The following DCAF6 variants were observed in gnomAD, a reference collection of about 807,000 sequenced individuals.
DCAF6 encodes the protein DDB1 and CUL4 associated factor 6.
Under a neutral mutation model 125.1 loss-of-function variants are expected in DCAF6, and 54 were observed. The ratio of observed to expected loss-of-function variants is 0.43; its 90% CI spans 0.35 to 0.54. The LOEUF (loss-of-function observed/expected upper bound fraction) is 0.54. Among genes scored for constraint, DCAF6 ranks in the 20% least tolerant of loss-of-function variants. The probability of loss-of-function intolerance (pLI) is 0.01; values close to 1 mark genes in which losing one functional copy is unlikely to be tolerated. For synonymous variants in DCAF6, 371 were observed against 390.4 expected, an observed-to-expected ratio of 0.95 and a Z score of 0.58; for missense variants, 934 against 1,161.7, an observed-to-expected ratio of 0.80 and a Z score of 2.85.
intron 10 of DCAF6, among the ~76,000 whole-genome samples, chr1:168,008,676 C>T (rs1323100401): frequency 1.3e-5 from 2 of 152,048 alleles, no homozygotes; most frequent in East Asian, 1.9e-4. Context: ...AAATCAAACT[C>T]CTCACTGTGG....
the DCAF6 span, among the ~76,000 whole-genome samples, chr1:167,874,633 G>A: frequency 6.6e-6 from 1 of 152,140 alleles, no homozygotes; most frequent in Non-Finnish European, 1.5e-5. Context: ...CAACAGAAAT[G>A]CATACATGCA....
At chr1:167,921,000 T>TA in the DCAF6 span, among the ~76,000 whole-genome samples, 1 of 152,132 alleles carries the variant, frequency 6.6e-6, no homozygotes, top group African/African-American at 2.4e-5. Flanking sequence ...CACTAACCAC[T>TA]AGCATGGAAG....
the DCAF6 span, among the ~76,000 whole-genome samples, chr1:167,876,197 C>T: frequency 4.7e-5 from 7 of 148,398 alleles, no homozygotes; most frequent in Non-Finnish European, 7.4e-5. Flanking sequence ...ACAGAGGTTG[C>T]AGTGAGCCAA....
chr1:167,935,358 C>T (rs532670934), upstream of DCAF6, among the ~76,000 whole-genome samples: 1 of 152,282 alleles, frequency 6.6e-6, no homozygotes, highest in African/African-American at 2.4e-5. Flanking sequence ...CCAGCTCTGC[C>T]TAGAGTGGGT....
the DCAF6 span, chr1:167,880,232 G>A: frequency 2.0e-6 from 3 of 1,522,704 alleles, no homozygotes; most frequent in Non-Finnish European, 2.7e-6. Context: ...AAGAAATAAA[G>A]ATAATGAGCG....
At chr1:168,040,726 T>G (rs575835133) in intron 13 of DCAF6, among the ~76,000 whole-genome samples, 17 of 151,696 alleles carry the variant, frequency 1.1e-4, no homozygotes, top group African/African-American at 4.1e-4. Flanking sequence ...GGGCTTTTTT[T>G]TTTTTTAGAG....
chr1:167,896,428 T>C, the DCAF6 span, among the ~76,000 whole-genome samples: 1 of 152,010 alleles, frequency 6.6e-6, no homozygotes, highest in African/African-American at 2.4e-5. Flanking sequence ...GTGTCATACT[T>C]AGAATTGCTG....
chr1:167,987,676 TAA>T, intron 5 of DCAF6, 68 bp downstream of exon 5: 4 of 788,864 alleles, frequency 5.1e-6, no homozygotes, highest in Non-Finnish European at 8.5e-6. Context: ...TGGTTATAAT[TAA>T]AGTTATAATT....
intron 10 of DCAF6, among the ~76,000 whole-genome samples, chr1:168,013,367 T>C (rs756628773): frequency 6.6e-6 from 1 of 152,254 alleles, no homozygotes; most frequent in Non-Finnish European, 1.5e-5. Context: ...CCTGGCGTTA[T>C]TGATTTCTGA....
intron 3 of DCAF6, among the ~76,000 whole-genome samples, chr1:167,973,874 G>T (rs528902851): frequency 1.3e-5 from 2 of 152,062 alleles, no homozygotes; most frequent in Admixed American, 6.5e-5. Context: ...GGTCTTATTG[G>T]AAGCATATCT....
Position 168,063,777 on chromosome 1 carries a change from C to T in DCAF6, c.2439+18C>T, listed in dbSNP as rs1385100973. On this transcript the variant is annotated intron_variant, in intron 18 of 21. Coordinates refer to ENST00000367840, the MANE Select transcript of DCAF6 (RefSeq NM_001198956.2). ...GGACAATGGTACCAAATGTTCATGG[C>T]ATTTTTTGGTGAAATTGCAGTTTCA... 7 of 1,590,306 alleles carry T rather than the reference C, an allele frequency of 4.4e-6. No homozygotes were observed. Among genetic ancestry groups the T allele is most frequent in the Admixed American group, 1.8e-5 (1 of 54,680 alleles).
the DCAF6 span, among the ~76,000 whole-genome samples, chr1:167,920,847 G>A: frequency 2.0e-5 from 3 of 152,134 alleles, no homozygotes; most frequent in Admixed American, 6.5e-5. Flanking sequence ...GGTACACTAA[G>A]CAGTCTCACA....
intron 21 of DCAF6, among the ~76,000 whole-genome samples, chr1:168,074,601 A>G (rs1230384339): frequency 6.6e-6 from 1 of 152,140 alleles, no homozygotes; most frequent in Non-Finnish European, 1.5e-5. Context: ...GCAAACGACT[A>G]TTACTGTAAT....
chr1:168,003,878 A>G lies in DCAF6; in HGVS notation c.1006A>G (p.Ser336Gly). 4.3e-6 allele frequency: 7 copies of G among 1,610,140 alleles called. No homozygotes were observed. The highest frequency in any genetic ancestry group is 5.9e-6 in the Non-Finnish European group (7 of 1,178,520). Residue 336 changes from serine (S) to glycine (G), a missense_variant, in exon 9 of 22, where the codon AGT becomes GGT. Ser to Gly is a moderately conservative substitution (Grantham distance 56, BLOSUM62 0). Around this residue, in one of 5 missense-constraint regions of DCAF6, gnomAD observed 559 missense variants for 635.5 expected, o/e 0.88. Transcript: ENST00000367840. ...GACCTATATTGTAATAGGAGAGCAGAGTCCCAATGTGTCATTGATGCAGAG... is the reference window on the plus strand; with the variant it reads ...GACCTATATTGTAATAGGAGAGCAGGGTCCCAATGTGTCATTGATGCAGAG... Reference protein sequence around the residue: ...ESERERDGEQSPNVSLMQRMS... With the variant: ...ESERERDGEQGPNVSLMQRMS...
At chr1:168,072,903 G>T (rs1045583631) in intron 21 of DCAF6, among the ~76,000 whole-genome samples, 14 of 152,044 alleles carry the variant, frequency 9.2e-5, no homozygotes, top group Non-Finnish European at 2.1e-4. Context: ...AGAATAAAAG[G>T]AACCTTTCTA....
intron 21 of DCAF6, among the ~76,000 whole-genome samples, chr1:168,072,103 C>G (rs1239768805): frequency 6.6e-6 from 1 of 151,706 alleles, no homozygotes; most frequent in Non-Finnish European, 1.5e-5. Flanking sequence ...TGAGACCAGC[C>G]TGGCCAACAT....
chr1:167,921,762 A>T, the DCAF6 span, among the ~76,000 whole-genome samples: 16 of 152,306 alleles, frequency 1.1e-4, no homozygotes, highest in Middle Eastern at 3.4e-3. Context: ...TATAGGATGC[A>T]CTGTAGTGTA....
chr1:167,954,643 G>A lies in DCAF6; in HGVS notation c.159+2782G>A, dbSNP rs1674488865. On this transcript the variant is annotated intron_variant, in intron 2 of 21. Coordinates refer to ENST00000367840, the MANE Select transcript of DCAF6 (RefSeq NM_001198956.2). The stretch of plus-strand genomic sequence containing the variant: ...AATTTTTGGTATTTTTAGTAGAGAC[G>A]GTGTTTCACTGTGTTAGCCAGGATG... Among the ~76,000 whole-genome samples, 4 of 151,506 alleles carry A rather than the reference G, an allele frequency of 2.6e-5. No individual in the cohort carries two copies. The South Asian group carries it at 6.3e-4, about 24-fold the overall frequency.
the DCAF6 span, among the ~76,000 whole-genome samples, chr1:167,898,470 G>C: frequency 2.0e-5 from 3 of 152,058 alleles, no homozygotes; most frequent in Non-Finnish European, 4.4e-5. Flanking sequence ...CGTGGTAGCG[G>C]GCACCTGTAA....
Sources: gnomAD v4.1 joint callset for allele counts (sites outside exome capture counted in the v4.1 genomes callset) on GRCh38, gnomAD v4.1.1 for gene constraint, gnomAD v4.1.1 regional missense constraint, MANE v1.5 for transcripts, NCBI Gene and HGNC (gene_info 2026-07-23, HGNC 2026-07-21) for gene names.